The following ATG14 variants were observed in gnomAD, a reference collection of about 807,000 sequenced individuals.
The protein encoded by ATG14 is beclin 1-associated autophagy-related key regulator.
In ATG14, 35 loss-of-function variants were observed where a neutral mutation model predicts 60.4. The observed-to-expected ratio is 0.58, with a 90% CI of 0.44 to 0.77. The LOEUF is 0.77. ATG14 is among the 30% of genes least tolerant of loss of function. ATG14 has a pLI of 0.00. For synonymous variants in ATG14, 234 were observed against 228.8 expected, an observed-to-expected ratio of 1.02 and a Z score of -0.21; for missense variants, 647 against 626.3, an observed-to-expected ratio of 1.03 and a Z score of -0.35.
Position 55,386,010 on chromosome 14 carries a change from G to C in ATG14, c.496C>G (p.Gln166Glu), listed in dbSNP as rs764102882. The C allele has an allele frequency of 6.2e-7, 1 of 1,614,130 alleles. No homozygotes were observed. ...TCACCAAGTTTGCGATTATGCCTCT[G>C]AATCTTCTCCTTTTTCTCTTGGTGC... ...QRHQEKKEKIQRHNRKLGDLV... is the reference protein window; with the variant it reads ...QRHQEKKEKIERHNRKLGDLV... Residue 166 changes from glutamine (Q) to glutamate (E), a missense_variant, in exon 5 of 10, where the codon CAG (glutamine) becomes GAG (glutamate). By Grantham distance (29) the Gln-to-Glu change is conservative. Coordinates refer to ENST00000247178, the MANE Select transcript of ATG14 (RefSeq NM_014924.5).
intron 1 of ATG14, among the ~76,000 whole-genome samples, chr14:55,401,669 A>C (rs1414591452): frequency 6.6e-6 from 1 of 152,152 alleles, no homozygotes; most frequent in Non-Finnish European, 1.5e-5. Flanking sequence ...TGTTAAAAAA[A>C]GGTACTCCCT....
At chr14:55,373,176 T>C (rs927902823) in intron 9 of ATG14, among the ~76,000 whole-genome samples, 15 of 152,218 alleles carry the variant, frequency 9.9e-5, no homozygotes, top group African/African-American at 3.4e-4. Flanking sequence ...GATTATAAAA[T>C]TGTTTCCTAA....
At chr14:55,374,819 A>C (rs1369003338) in intron 9 of ATG14, among the ~76,000 whole-genome samples, 3 of 152,200 alleles carry the variant, frequency 2.0e-5, no homozygotes, top group Non-Finnish European at 4.4e-5. Flanking sequence ...TTCCACATAT[A>C]CAAGAGTCTG....
At position 55,367,323 on chromosome 14, in the gene ATG14, GTTTA is replaced by G. The variant is rs1046850476; in HGVS notation, c.*2292_*2295del. The stretch of plus-strand genomic sequence containing the variant: ...TAGACAACTCTTACAAGATCGTTAA[GTTTA>G]TTTATCTGTTCAAGTCTACCATCTT... On this transcript the variant is annotated 3_prime_UTR_variant, in exon 10 of 10. Transcript: ENST00000247178. 1.3e-5 allele frequency: 2 copies of G among 152,184 alleles called. No individual in the cohort carries two copies. The highest frequency in any genetic ancestry group is 2.9e-5 in the Non-Finnish European group (2 of 68,048). The allele number at this position is 152,184 out of a possible 1,614,324, so 9.4% of individuals were successfully genotyped here. A position where few individuals can be genotyped will look rare whatever the true frequency, so the allele number is the denominator to read the frequency against.
At chr14:55,389,423 T>C (rs1367246386) in intron 4 of ATG14, among the ~76,000 whole-genome samples, 2 of 152,244 alleles carry the variant, frequency 1.3e-5, no homozygotes, top group Non-Finnish European at 2.9e-5. Context: ...CTGTTCAGTG[T>C]GCTGCCCTAA....
At chr14:55,381,029 G>C (rs1442450503) in intron 6 of ATG14, among the ~76,000 whole-genome samples, 3 of 151,892 alleles carry the variant, frequency 2.0e-5, no homozygotes, top group Admixed American at 1.3e-4. Flanking sequence ...TCCAGAGAGG[G>C]CTCTCCTGAC....
chr14:55,404,859 A>C (rs1264185520), intron 1 of ATG14, among the ~76,000 whole-genome samples: 1 of 152,226 alleles, frequency 6.6e-6, no homozygotes, highest in Non-Finnish European at 1.5e-5. Context: ...CCCAGGAGTA[A>C]GTCAGCCACA....
chr14:55,398,814 G>C (rs1186469256), intron 1 of ATG14, among the ~76,000 whole-genome samples: 1 of 151,662 alleles, frequency 6.6e-6, no homozygotes. Context: ...TGGCTACTGA[G>C]TGCCTAAGAT....
chr14:55,409,146 T>C (rs1435236071), intron 1 of ATG14, among the ~76,000 whole-genome samples: 3 of 152,224 alleles, frequency 2.0e-5, no homozygotes, highest in Non-Finnish European at 2.9e-5. Flanking sequence ...AAGATATATT[T>C]TCACATCAAA....
rs1361213101 is a variant in ATG14, at chr14:55,369,498, AAAC to A, written c.*118_*120del. ...TCTCCCTGCTTAAAAAGACAAAACA[AAAC>A]AACACTTTAACCTCTTTGTTCCAGA... On this transcript the variant is annotated 3_prime_UTR_variant, in exon 10 of 10. Transcript: ENST00000247178. 6.7e-6 allele frequency: 7 copies of A among 1,042,504 alleles called. No homozygotes were observed. In the African/African-American group the frequency reaches 9.5e-5, roughly 14 times the overall value. The allele number at this position is 1,042,504 out of a possible 1,614,324, so 64.6% of individuals were successfully genotyped here.
intron 9 of ATG14, among the ~76,000 whole-genome samples, chr14:55,373,010 G>GGGTCCTGGC (rs1555341400): frequency 6.6e-6 from 1 of 151,670 alleles, no homozygotes; most frequent in Admixed American, 6.6e-5. Flanking sequence ...AGAGCAGGAG[G>GGGTCCTGGC]AGAGGCCCCT....
chr14:55,382,619 A>T (rs557668699), intron 5 of ATG14, among the ~76,000 whole-genome samples: 12 of 152,334 alleles, frequency 7.9e-5, no homozygotes, highest in South Asian at 4.1e-4. Context: ...CCAAAGTGCA[A>T]ATATTTCAGT....
At chr14:55,372,460 A>C (rs1884840261) in intron 9 of ATG14, among the ~76,000 whole-genome samples, 1 of 152,098 alleles carries the variant, frequency 6.6e-6, no homozygotes, top group Non-Finnish European at 1.5e-5. Context: ...CTCAGAACTG[A>C]CTGCCAGGCT....
At chr14:55,394,469 A>T (rs1237499417) in intron 3 of ATG14, among the ~76,000 whole-genome samples, 2 of 152,226 alleles carry the variant, frequency 1.3e-5, no homozygotes, top group Non-Finnish European at 2.9e-5. Context: ...AAAATCTGGA[A>T]GCAAACTTTC....
chr14:55,381,503 C>A (rs917735195), intron 6 of ATG14, among the ~76,000 whole-genome samples: 1 of 152,140 alleles, frequency 6.6e-6, no homozygotes, highest in Non-Finnish European at 1.5e-5. Context: ...TGTTTTCAGT[C>A]CATCAAGTGA....
intron 2 of ATG14, among the ~76,000 whole-genome samples, chr14:55,396,457 C>G (rs374909556): frequency 1.3e-5 from 2 of 152,184 alleles, no homozygotes; most frequent in Non-Finnish European, 2.9e-5. Context: ...TTCTCTAATA[C>G]AGAATATCCT....
At chr14:55,370,333 A>G (rs1463083609) in intron 9 of ATG14, among the ~76,000 whole-genome samples, 1 of 152,232 alleles carries the variant, frequency 6.6e-6, no homozygotes, top group Non-Finnish European at 1.5e-5. Context: ...TCTGGATATT[A>G]TTTAGTGTAA....
chr14:55,392,784 TC>T (rs569300999), intron 3 of ATG14, among the ~76,000 whole-genome samples: 57 of 152,228 alleles, frequency 3.7e-4, no homozygotes, highest in Non-Finnish European at 5.6e-4. Flanking sequence ...ATCTAAGTAG[TC>T]TGATGGTAAG....
rs903392106 is a variant in ATG14 at position 55,381,975 on chromosome 14, T to G, written c.864A>C (p.Thr288=). Reference sequence around the variant, plus strand: ...GCTGCTTCTCACCAGGCCCCTGGGTTGTTTTCTTCTCCTCCACCCAGCTGT... The same window carrying G: ...GCTGCTTCTCACCAGGCCCCTGGGTGGTTTTCTTCTCCTCCACCCAGCTGT... The part of the protein sequence containing the change: ...AYYSWVEEKK[T]TQGPDMEQSN... Residue 288 remains threonine (T), a synonymous_variant, in exon 6 of 10, where the codon ACA becomes ACC. Coordinates refer to ENST00000247178, the MANE Select transcript of ATG14 (RefSeq NM_014924.5). The G allele has an allele frequency of 1.2e-6, 2 of 1,613,796 alleles. No individual in the cohort carries two copies. Among genetic ancestry groups the G allele is most frequent in the African/African-American group, 1.3e-5 (1 of 74,932 alleles).
Sources: gnomAD v4.1 joint callset for allele counts (sites outside exome capture counted in the v4.1 genomes callset) on GRCh38, gnomAD v4.1.1 for gene constraint, MANE v1.5 for transcripts, NCBI Gene and HGNC (gene_info 2026-07-23, HGNC 2026-07-21) for gene names.